The following ATRNL1 variants were observed in gnomAD, a reference collection of about 807,000 sequenced individuals.
ATRNL1 encodes attractin like 1.
A neutral mutation model predicts 182.7 loss-of-function variants in ATRNL1; 95 were observed. The observed-to-expected ratio is 0.52, with a 90% CI of 0.44 to 0.62. ATRNL1 has a LOEUF of 0.62. Among genes scored for constraint, ATRNL1 ranks in the 20% least tolerant of loss-of-function variants. The probability of loss-of-function intolerance (pLI) is 0.00; values close to 1 mark genes in which losing one functional copy is unlikely to be tolerated. For synonymous variants in ATRNL1, 576 were observed against 568.3 expected (o/e 1.01, Z -0.19); for missense variants, 1,471 against 1,679.5 (o/e 0.88, Z 2.17).
chr10:115,266,883 A>G lies in ATRNL1; in HGVS notation c.1859A>G (p.Asp620Gly). 1 of 1,612,502 alleles carries G rather than the reference A, an allele frequency of 6.2e-7. No homozygotes were observed. Residue 620 changes from aspartate (D) to glycine (G), a missense_variant, in exon 12 of 29, where the codon GAT (aspartate) becomes GGT (glycine). By Grantham distance (94) the Asp-to-Gly change is moderately conservative (BLOSUM62 -1). This residue lies in a region of ATRNL1 where 1,031 missense variants were observed against 1,156.0 expected (regional missense o/e 0.89). Coordinates refer to ENST00000355044, the MANE Select transcript of ATRNL1 (RefSeq NM_207303.4). ...YKPPNCKAFR[D>G]EELCKNAGPG... The stretch of plus-strand genomic sequence containing the variant: ...CCTCCAAATTGCAAGGCTTTCAGAG[A>G]TGAAGAACTTTGTAAAAATGCTGGT...
At chr10:115,332,690 G>C (rs1462011096) in intron 18 of ATRNL1, among the ~76,000 whole-genome samples, 1 of 152,044 alleles carries the variant, frequency 6.6e-6, no homozygotes, top group Non-Finnish European at 1.5e-5. Context: ...TAAAGTATTT[G>C]GTTTTACTCT....
At chr10:115,264,190 A>G (rs1243363598) in intron 10 of ATRNL1, among the ~76,000 whole-genome samples, 2 of 151,580 alleles carry the variant, frequency 1.3e-5, no homozygotes, top group African/African-American at 4.8e-5. Context: ...CATTTTCTAA[A>G]CTTACAGTTT....
At chr10:115,370,645 A>T (rs1252998822) in intron 19 of ATRNL1, among the ~76,000 whole-genome samples, 1 of 152,230 alleles carries the variant, frequency 6.6e-6, no homozygotes, top group Non-Finnish European at 1.5e-5. Flanking sequence ...CAAAGAATTC[A>T]AGAAGTGACT....
intron 27 of ATRNL1, among the ~76,000 whole-genome samples, chr10:115,818,957 ACT>A (rs1332720345): frequency 6.6e-6 from 1 of 151,584 alleles, no homozygotes; most frequent in African/African-American, 2.4e-5. Context: ...AGCCCACAAA[ACT>A]CTCTTCCCTT....
chr10:115,282,793 GT>G (rs35849374), intron 14 of ATRNL1, among the ~76,000 whole-genome samples: 31,436 of 145,060 alleles, frequency 0.22, 4,144 homozygotes, highest in Non-Finnish European at 0.31. Flanking sequence ...TTTATCCCAG[GT>G]TTTTTTTTTT....
At chr10:115,189,614 A>C (rs1197581233) in intron 8 of ATRNL1, among the ~76,000 whole-genome samples, 1 of 152,120 alleles carries the variant, frequency 6.6e-6, no homozygotes, top group Non-Finnish European at 1.5e-5. Flanking sequence ...ATTTAAGGAA[A>C]AAATTTTTAT....
At chr10:115,805,815 A>T (rs1173179541) in intron 27 of ATRNL1, among the ~76,000 whole-genome samples, 1 of 152,162 alleles carries the variant, frequency 6.6e-6, no homozygotes, top group African/African-American at 2.4e-5. Flanking sequence ...AATAACCTTA[A>T]ATCATGTCAG....
intron 28 of ATRNL1, among the ~76,000 whole-genome samples, chr10:115,917,489 A>G (rs1419591416): frequency 1.4e-5 from 2 of 148,112 alleles, no homozygotes; most frequent in Admixed American, 6.7e-5. Flanking sequence ...AAAAAAAGAA[A>G]AAAAAAACGG....
At chr10:115,347,826 G>C (rs1331872222) in intron 19 of ATRNL1, among the ~76,000 whole-genome samples, 1 of 151,974 alleles carries the variant, frequency 6.6e-6, no homozygotes, top group Admixed American at 6.6e-5. Flanking sequence ...ATTTATGTGT[G>C]TATATGTATA....
rs1564990272 is a variant in ATRNL1 at position 115,389,580 on chromosome 10, A to ATACATATATATATATG, written c.3176-5077_3176-5076insCATATATATATATGTA. 3.4e-3 allele frequency among the ~76,000 whole-genome samples: 372 copies of ATACATATATATATATG among 108,996 alleles called. 9 individuals are homozygous for ATACATATATATATATG. The highest frequency in any genetic ancestry group is 0.012 in the African/African-American group (339 of 28,904). 71.5% of individuals were successfully genotyped at this position (108,996 alleles called of 152,430 possible). On this transcript the variant is annotated intron_variant, in intron 19 of 28. Coordinates refer to ENST00000355044, the MANE Select transcript of ATRNL1 (RefSeq NM_207303.4). ...TATATATATATATATATATATATAT[A>ATACATATATATATATG]TATATATATATTTCATCCAATGATG... is the stretch of plus-strand genomic sequence containing the variant.
At chr10:115,727,433 A>C in intron 27 of ATRNL1, 78 bp downstream of exon 27, 1 of 1,095,490 alleles carries the variant, frequency 9.1e-7, no homozygotes, top group Non-Finnish European at 1.4e-6. Context: ...ACATCTGCTT[A>C]TGAAGCCAAA....
chr10:115,352,912 C>A (rs1856327946), intron 19 of ATRNL1, among the ~76,000 whole-genome samples: 1 of 152,112 alleles, frequency 6.6e-6, no homozygotes, highest in African/African-American at 2.4e-5. Context: ...TTTAAAAAAA[C>A]AACAACAACA....
At chr10:115,335,990 C>T (rs1296430870) in intron 19 of ATRNL1, among the ~76,000 whole-genome samples, 2 of 152,136 alleles carry the variant, frequency 1.3e-5, no homozygotes, top group East Asian at 3.9e-4. Context: ...ATTTGAAGCT[C>T]TAATACAGAT....
intron 26 of ATRNL1, among the ~76,000 whole-genome samples, chr10:115,636,757 T>A (rs1453208460): frequency 6.6e-6 from 1 of 152,134 alleles, no homozygotes; most frequent in Non-Finnish European, 1.5e-5. Context: ...TACATATGAA[T>A]GTACATAGCA....
At chr10:115,750,188 T>G (rs1294839393) in intron 27 of ATRNL1, among the ~76,000 whole-genome samples, 1 of 151,922 alleles carries the variant, frequency 6.6e-6, no homozygotes, top group Non-Finnish European at 1.5e-5. Context: ...ATAAAATACT[T>G]TAATTTCAAT....
At chr10:115,479,229 G>A (rs1554973692) in intron 24 of ATRNL1, among the ~76,000 whole-genome samples, 1 of 151,352 alleles carries the variant, frequency 6.6e-6, no homozygotes, top group African/African-American at 2.4e-5. Context: ...TTCTTTTACT[G>A]TTCCTAAATT....
At chr10:115,327,979 T>C (rs1452287741) in intron 18 of ATRNL1, among the ~76,000 whole-genome samples, 1 of 152,026 alleles carries the variant, frequency 6.6e-6, no homozygotes, top group Non-Finnish European at 1.5e-5. Context: ...GAGATATACC[T>C]AATGCTAGAT....
At chr10:115,261,550 T>C (rs1316904206) in intron 10 of ATRNL1, among the ~76,000 whole-genome samples, 2 of 152,064 alleles carry the variant, frequency 1.3e-5, no homozygotes, top group Non-Finnish European at 2.9e-5. Flanking sequence ...TTAGAAGATA[T>C]TGAGAAGAAA....
chr10:115,106,157 A>G (rs1189810746), intron 1 of ATRNL1, among the ~76,000 whole-genome samples: 9 of 152,170 alleles, frequency 5.9e-5, no homozygotes, highest in Admixed American at 4.6e-4. Flanking sequence ...AGCATGACCT[A>G]GATGAGAGAC....
Sources: allele counts gnomAD v4.1 joint callset (sites outside exome capture counted in the v4.1 genomes callset), GRCh38; gene constraint gnomAD v4.1.1; regional missense constraint gnomAD v4.1.1; transcripts MANE v1.5; gene names NCBI Gene and HGNC (gene_info 2026-07-23, HGNC 2026-07-21).